THOC5: variants seen among roughly 807,000 people sequenced by gnomAD.
The protein encoded by THOC5 is Fms-interacting protein.
Under a neutral mutation model 92.9 loss-of-function variants are expected in THOC5, and 43 were observed. The ratio of observed to expected loss-of-function variants is 0.46; its 90% CI spans 0.36 to 0.60. The LOEUF (loss-of-function observed/expected upper bound fraction) is 0.60. Ranked by LOEUF, THOC5 falls within the 20% of genes least tolerant of loss-of-function variation. The pLI is 0.00. For missense variants in THOC5, 659 were observed against 849.4 expected (o/e 0.78, Z 2.79); for synonymous variants, 296 against 320.1 (o/e 0.92, Z 0.80).
At chr22:29,511,918 G>T in intron 18 of THOC5, 103 bp downstream of exon 18, 1 of 918,920 alleles carries the variant, frequency 1.1e-6, no homozygotes, top group South Asian at 1.5e-5. Context: ...TCTGTTTTGG[G>T]AATTAAGGCA....
chr22:29,528,470 C>A lies in THOC5; in HGVS notation c.926-4G>T. Reference sequence around the variant, plus strand: ...GCATCTGAGTCACTCTCGTCATCTGCAGCCACAGAGAGAAGGCAGCTAGAG... The same window carrying A: ...GCATCTGAGTCACTCTCGTCATCTGAAGCCACAGAGAGAAGGCAGCTAGAG... On this transcript the variant is annotated splice_region_variant and splice_polypyrimidine_tract_variant and intron_variant, in intron 9 of 19. Coordinates refer to ENST00000490103, the MANE Select transcript of THOC5 (RefSeq NM_003678.5). The A allele has an allele frequency of 2.5e-6, 4 of 1,613,050 alleles. No individual in the cohort carries two copies. The highest frequency in any genetic ancestry group is 3.4e-6 in the Non-Finnish European group (4 of 1,180,028).
chr22:29,529,453 G>A (rs1421333043), intron 8 of THOC5, among the ~76,000 whole-genome samples: 2 of 152,188 alleles, frequency 1.3e-5, no homozygotes, highest in African/African-American at 2.4e-5. Flanking sequence ...GAGAACTTAA[G>A]TACAAATTCC....
chr22:29,513,071 G>A (rs2063255793), intron 17 of THOC5, among the ~76,000 whole-genome samples: 1 of 152,104 alleles, frequency 6.6e-6, no homozygotes, highest in Non-Finnish European at 1.5e-5. Context: ...AAAAGTTGTG[G>A]CTGGCGCGGT....
At chr22:29,537,301 G>A (rs1015269700) in intron 6 of THOC5, among the ~76,000 whole-genome samples, 3 of 152,192 alleles carry the variant, frequency 2.0e-5, no homozygotes, top group Non-Finnish European at 4.4e-5. Flanking sequence ...GGACAGCGGA[G>A]TGACAGGTCA....
Position 29,543,562 on chromosome 22 carries a change from T to C in THOC5, c.241-20A>G, listed in dbSNP as rs746939272. The C allele has an allele frequency of 3.9e-5, 61 of 1,584,200 alleles. No homozygotes were observed. The highest frequency in any genetic ancestry group is 6.7e-5 in the Admixed American group (4 of 59,814). On this transcript the variant is annotated intron_variant, in intron 3 of 19. Transcript: ENST00000490103. ...TATTGCCTGTGGGCAAAGAAAACAG[T>C]AAAGCCCACTGACGACAGGGCTAGC...
intron 1 of THOC5, among the ~76,000 whole-genome samples, chr22:29,552,600 C>A (rs535841497): frequency 6.6e-6 from 1 of 150,698 alleles, no homozygotes; most frequent in African/African-American, 2.4e-5. Context: ...GCCCGGCCAG[C>A]CGCCCCGTCG....
chr22:29,531,792 T>C, intron 8 of THOC5, 39 bp downstream of exon 8: 2 of 1,591,180 alleles, frequency 1.3e-6, no homozygotes, highest in Non-Finnish European at 1.7e-6. Flanking sequence ...CAGCTGCTGC[T>C]CCCATAGCCC....
intron 7 of THOC5, among the ~76,000 whole-genome samples, chr22:29,532,315 T>A (rs1462150260): frequency 2.7e-5 from 4 of 149,544 alleles, no homozygotes; most frequent in Admixed American, 1.3e-4. Context: ...AAAATCAATT[T>A]AAAAAAAGAA....
At chr22:29,552,941 C>G (rs959375765) in intron 1 of THOC5, among the ~76,000 whole-genome samples, 15 of 152,172 alleles carry the variant, frequency 9.9e-5, no homozygotes, top group Non-Finnish European at 5.9e-5. Context: ...AGCCTTACCC[C>G]CAACCCCGTG....
intron 12 of THOC5, among the ~76,000 whole-genome samples, chr22:29,522,363 AAAAT>A (rs2063459951): frequency 7.0e-6 from 1 of 142,034 alleles, no homozygotes; most frequent in Non-Finnish European, 1.5e-5. Flanking sequence ...CTGTCTCAAA[AAAAT>A]AAATAAAATA....
At chr22:29,517,467 G>C in intron 15 of THOC5, 101 bp from the exon 16 acceptor site, 1 of 995,774 alleles carries the variant, frequency 1.0e-6, no homozygotes, top group Non-Finnish European at 1.5e-6. Flanking sequence ...CAGATGGCCC[G>C]GCCAGCTATC....
intron 8 of THOC5, 125 bp from the exon 9 acceptor site, chr22:29,529,364 AG>A: frequency 1.1e-6 from 1 of 942,020 alleles, no homozygotes; most frequent in Middle Eastern, 3.0e-4. Flanking sequence ...TAAGGGTGGA[AG>A]GGCAAAAGTC....
At chr22:29,544,930 A>G (rs2063984251) in intron 2 of THOC5, 3 of 291,372 alleles carry the variant, frequency 1.0e-5, no homozygotes, top group Non-Finnish European at 2.0e-5. Flanking sequence ...TAAACATTTT[A>G]TTTGTAAACA....
At chr22:29,544,891 T>A (rs1461232975) in intron 2 of THOC5, among the ~76,000 whole-genome samples, 1 of 152,136 alleles carries the variant, frequency 6.6e-6, no homozygotes, top group East Asian at 1.9e-4. Flanking sequence ...CGCCTCTCAG[T>A]CCGAAACTGA....
intron 17 of THOC5, among the ~76,000 whole-genome samples, chr22:29,513,512 A>G (rs545121196): frequency 6.6e-6 from 1 of 152,190 alleles, no homozygotes; most frequent in African/African-American, 2.4e-5. Context: ...ACATAGTGAA[A>G]TCTCATCTCT....
At chr22:29,522,814 G>A (rs949061567) in intron 12 of THOC5, among the ~76,000 whole-genome samples, 38 of 152,014 alleles carry the variant, frequency 2.5e-4, no homozygotes, top group Admixed American at 6.6e-4. Context: ...CATCCTGGCC[G>A]AAATGGTGAA....
At chr22:29,510,493 G>A (rs2063203203) in intron 19 of THOC5, among the ~76,000 whole-genome samples, 1 of 152,146 alleles carries the variant, frequency 6.6e-6, no homozygotes, top group Non-Finnish European at 1.5e-5. Flanking sequence ...AGCTACTAGG[G>A]AGGCTGAGGC....
At chr22:29,552,094 G>T (rs1273913516) in intron 1 of THOC5, among the ~76,000 whole-genome samples, 17 of 151,434 alleles carry the variant, frequency 1.1e-4, no homozygotes, top group Admixed American at 1.1e-3. Flanking sequence ...GTGCTCAATG[G>T]TGCCCAGGCT....
At position 29,519,007 on chromosome 22, in the gene THOC5, T is replaced by C; in HGVS notation, c.1488A>G (p.Leu496=). The change falls in exon 15 of 20, where the codon CTA becomes CTG. Residue 496 remains leucine (L), a splice_region_variant and synonymous_variant. Transcript: ENST00000490103. ...ACCACTGCCCCATCATCAGCTTACCTAGGGATGCAAACTGTTTGTGGAGGG... is the reference window on the plus strand; with the variant it reads ...ACCACTGCCCCATCATCAGCTTACCCAGGGATGCAAACTGTTTGTGGAGGG... ...RLALHKQFAS[L]EHGIVPVTSD... 6.3e-7 allele frequency: 1 copy of C among 1,595,072 alleles called. No homozygotes were observed. The highest frequency in any genetic ancestry group is 8.6e-7 in the Non-Finnish European group (1 of 1,168,690).
Sources: allele counts gnomAD v4.1 joint callset (sites outside exome capture counted in the v4.1 genomes callset), GRCh38; gene constraint gnomAD v4.1.1; transcripts MANE v1.5; gene names NCBI Gene and HGNC (gene_info 2026-07-23, HGNC 2026-07-21).